The following PIK3R5 variants were observed in gnomAD, a reference collection of about 807,000 sequenced individuals.
PIK3R5 encodes the protein phosphoinositide-3-kinase regulatory subunit 5.
PIK3R5 carries 32 observed loss-of-function variants against 94.9 expected under a neutral mutation model. The observed-to-expected ratio is 0.34, with a 90% confidence interval of 0.25 to 0.45. The LOEUF (loss-of-function observed/expected upper bound fraction) is 0.45. Among genes scored for constraint, PIK3R5 ranks in the 20% least tolerant of loss-of-function variants. The pLI is 1.00. For synonymous variants in PIK3R5, 443 were observed against 479.4 expected, an observed-to-expected ratio of 0.92 and a Z score of 0.99; for missense variants, 853 against 1,144.6, an observed-to-expected ratio of 0.75 and a Z score of 3.68.
At chr17:8,924,948 G>A (rs1478459655) in intron 1 of PIK3R5, among the ~76,000 whole-genome samples, 1 of 152,166 alleles carries the variant, frequency 6.6e-6, no homozygotes, top group African/African-American at 2.4e-5. Flanking sequence ...TGACATTAGG[G>A]CATCAGGCAC....
At chr17:8,900,138 G>C (rs2090248772) in intron 5 of PIK3R5, among the ~76,000 whole-genome samples, 1 of 152,196 alleles carries the variant, frequency 6.6e-6, no homozygotes, top group South Asian at 2.1e-4. Flanking sequence ...TAGGGCTTAG[G>C]TTCTTTAAAA....
chr17:8,919,455 C>G (rs775119684), intron 1 of PIK3R5, among the ~76,000 whole-genome samples: 1 of 152,232 alleles, frequency 6.6e-6, no homozygotes, highest in African/African-American at 2.4e-5. Context: ...GCCTCAAAAT[C>G]CCCCAACCTG....
At position 8,888,863 on chromosome 17, in the gene PIK3R5, T is replaced by C. The variant is rs1457587756; in HGVS notation, c.924A>G (p.Glu308=). 1 of 1,602,584 alleles carries C rather than the reference T, an allele frequency of 6.2e-7. No homozygotes were observed. The highest frequency in any genetic ancestry group is 1.1e-5 in the South Asian group (1 of 91,012). The change falls in exon 10 of 19, where the codon GAA becomes GAG. Residue 308 remains glutamate, a synonymous_variant. Transcript: ENST00000447110. This position sits in a 1 kb window ranked among gnomAD's most constrained non-coding sequence, Gnocchi z 7.8. The stretch of plus-strand genomic sequence containing the variant: ...GGATCCCTGGCTGGAGTAGCTCCTG[T>C]TCCTTGAGCAGGATTTCCTGCAGGA... ...FDILQEILLK[E]QELLQPGILG... is the part of the protein sequence containing the mutation.
Position 8,959,419 on chromosome 17 carries a change from C to CTG in PIK3R5, c.-14+6175_-14+6176dup, listed in dbSNP as rs34656716. ...TATGCAAAACTTTGAGCGAGAGAGA[C>CTG]TGTGTGTGTGTGTGTGTGTGTGCAC... On this transcript the variant is annotated intron_variant, in intron 1 of 18. Transcript: ENST00000447110. 3.5e-3 allele frequency among the ~76,000 whole-genome samples: 531 copies of CTG among 150,902 alleles called. 6 individuals carry two copies. The highest frequency in any genetic ancestry group is 0.01 in the African/African-American group (421 of 41,104).
In PIK3R5 at chr17:8,886,161, C is replaced by A. The variant is rs911529248; in HGVS notation, c.2128+68G>T. On this transcript the variant is annotated intron_variant, in intron 14 of 18. Transcript: ENST00000447110. ...CCCCACCTCCCAGGTAACCCCACCT[C>A]CACAGAGCTCCACGTTTCGCGTCCC... 5.6e-6 allele frequency: 7 copies of A among 1,239,222 alleles called. No individual in the cohort carries two copies. The African/African-American group carries it at 7.4e-5, about 13-fold the overall frequency. The allele number at this position is 1,239,222 out of a possible 1,614,324, so 76.8% of individuals were successfully genotyped here.
At chr17:8,913,207 C>G (rs2090562876) in intron 1 of PIK3R5, among the ~76,000 whole-genome samples, 2 of 152,156 alleles carry the variant, frequency 1.3e-5, no homozygotes, top group Non-Finnish European at 2.9e-5. Context: ...GACATTTAAG[C>G]TGGATGAGGA....
intron 1 of PIK3R5, among the ~76,000 whole-genome samples, chr17:8,954,045 G>A (rs1012274770): frequency 2.0e-5 from 3 of 150,406 alleles, no homozygotes; most frequent in African/African-American, 7.4e-5. Context: ...CCCAGAAAGT[G>A]CTCTTTCCTC....
rs567919549 is a variant in PIK3R5 at position 8,903,079 on chromosome 17, A to G, written c.412+1698T>C. ...AGGCTGGTCTCGAACTCCTGACCTC[A>G]GGTGATCTGCCCGCCTTGGCGTCCC... On this transcript the variant is annotated intron_variant, in intron 5 of 18. Coordinates refer to ENST00000447110, the MANE Select transcript of PIK3R5 (RefSeq NM_001142633.3). 5.9e-5 allele frequency among the ~76,000 whole-genome samples: 9 copies of G among 152,158 alleles called. 1 individual carries two copies. The highest frequency in any genetic ancestry group is 2.2e-4 in the African/African-American group (9 of 41,506).
At chr17:8,938,167 T>A (rs891863864) in intron 1 of PIK3R5, among the ~76,000 whole-genome samples, 1 of 152,188 alleles carries the variant, frequency 6.6e-6, no homozygotes, top group African/African-American at 2.4e-5. Flanking sequence ...GGCCTGAAAC[T>A]TTTTTGTTTT....
In PIK3R5 at chr17:8,890,435, G is replaced by C. The variant is rs2151374410; in HGVS notation, c.657+303C>G. Among the ~76,000 whole-genome samples the C allele has an allele frequency of 6.6e-6, 1 of 152,334 alleles. No homozygotes were observed. Among genetic ancestry groups the C allele is most frequent in the African/African-American group, 2.4e-5 (1 of 41,576 alleles). On this transcript the variant is annotated intron_variant, in intron 7 of 18. Transcript: ENST00000447110. This position sits in a 1 kb window ranked among gnomAD's most constrained non-coding sequence, Gnocchi z 6.1. ...CAGCCGACCTGTGACACCTGTGACA[G>C]AGCCAGGCCTAGATGCCAGGTCTTC... is the stretch of plus-strand genomic sequence containing the variant.
intron 1 of PIK3R5, among the ~76,000 whole-genome samples, chr17:8,937,452 G>C (rs1433865734): frequency 6.6e-6 from 1 of 152,006 alleles, no homozygotes; most frequent in Admixed American, 6.6e-5. Context: ...ATCATAAATG[G>C]GTATTGGACT....
chr17:8,894,825 G>A (rs1467960213), intron 5 of PIK3R5, among the ~76,000 whole-genome samples: 3 of 148,492 alleles, frequency 2.0e-5, no homozygotes, highest in Non-Finnish European at 4.5e-5. Flanking sequence ...TCTGAACTGG[G>A]ACTGAGCTGG....
chr17:8,902,424 T>G (rs1337301687), intron 5 of PIK3R5, among the ~76,000 whole-genome samples: 1 of 151,848 alleles, frequency 6.6e-6, no homozygotes, highest in Non-Finnish European at 1.5e-5. Context: ...CCAAATAATT[T>G]TTGTATTTTT....
At chr17:8,923,580 C>A (rs1304221851) in intron 1 of PIK3R5, among the ~76,000 whole-genome samples, 1 of 152,198 alleles carries the variant, frequency 6.6e-6, no homozygotes, top group African/African-American at 2.4e-5. Context: ...TACTGCCAAG[C>A]TGGGAAACCA....
At chr17:8,928,059 T>C (rs1044715006) in intron 1 of PIK3R5, among the ~76,000 whole-genome samples, 1 of 152,180 alleles carries the variant, frequency 6.6e-6, no homozygotes, top group Admixed American at 6.5e-5. Flanking sequence ...TAAACCTCTT[T>C]TATTTATAAA....
Position 8,890,734 on chromosome 17 carries a change from A to T in PIK3R5, c.657+4T>A. The T allele has an allele frequency of 6.2e-7, 1 of 1,604,166 alleles. No homozygotes were observed. Among genetic ancestry groups the T allele is most frequent in the Middle Eastern group, 1.7e-4 (1 of 5,990 alleles). ...CACCAGAGCCCCAGGCCCCAGGTAC[A>T]TACCTGTAGCCTGCAGTGCAGGCCC... On this transcript the variant is annotated splice_donor_region_variant and intron_variant, in intron 7 of 18. Coordinates refer to ENST00000447110, the MANE Select transcript of PIK3R5 (RefSeq NM_001142633.3). The surrounding 1 kb of genome is among the most constrained non-coding windows in gnomAD (Gnocchi z 6.1).
rs560922171 is a variant in PIK3R5, at chr17:8,906,649, G to A, written c.205-912C>T. Among the ~76,000 whole-genome samples, 5 of 152,198 alleles carry A rather than the reference G, an allele frequency of 3.3e-5. No homozygotes were observed. The South Asian group carries it at 8.3e-4, about 25-fold the overall frequency. ...TGTAATCTCAACACTTTGGGAGGCC[G>A]AGGCAGGTGGATCACTTGAGGCCAG... On this transcript the variant is annotated intron_variant, in intron 3 of 18. Coordinates refer to ENST00000447110, the MANE Select transcript of PIK3R5 (RefSeq NM_001142633.3).
intron 14 of PIK3R5, chr17:8,885,023 G>A (rs530232257): frequency 4.5e-5 from 23 of 512,190 alleles, no homozygotes; most frequent in South Asian, 4.4e-4. Context: ...ACATTCCCAG[G>A]GTCCTGCCTC....
intron 1 of PIK3R5, among the ~76,000 whole-genome samples, chr17:8,928,033 G>A (rs562642350): frequency 4.6e-5 from 7 of 152,248 alleles, no homozygotes; most frequent in African/African-American, 1.2e-4. Context: ...TACAGCCTGC[G>A]GAACTGTGAG....
Sources: allele counts gnomAD v4.1 joint callset (sites outside exome capture counted in the v4.1 genomes callset), GRCh38; gene constraint gnomAD v4.1.1; non-coding constraint Gnocchi (gnomAD v3.1); transcripts MANE v1.5; gene names NCBI Gene and HGNC (gene_info 2026-07-23, HGNC 2026-07-21).